The following DGKB variants were observed in gnomAD, a reference collection of about 807,000 sequenced individuals.
DGKB encodes the protein diacylglycerol kinase beta.
In DGKB, 67 loss-of-function variants were observed where a neutral mutation model predicts 114.3. The observed-to-expected ratio is 0.59, with a 90% CI of 0.48 to 0.72. DGKB has a LOEUF of 0.72. Among genes scored for constraint, DGKB ranks in the 30% least tolerant of loss-of-function variants. The pLI is 0.00. For synonymous variants in DGKB, 398 were observed against 323.1 expected (o/e 1.23, Z -2.49); for missense variants, 907 against 975.2 (o/e 0.93, Z 0.93).
chr7:14,353,890 C>T (rs562142823), intron 21 of DGKB, among the ~76,000 whole-genome samples: 2 of 152,028 alleles, frequency 1.3e-5, no homozygotes, highest in Non-Finnish European at 2.9e-5. Flanking sequence ...ACTTGCTGTC[C>T]CCCTAAATTT....
intron 20 of DGKB, 43 bp from the exon 21 acceptor site, chr7:14,478,268 T>A (rs781117654): frequency 8.5e-7 from 1 of 1,175,534 alleles, no homozygotes; most frequent in Admixed American, 2.5e-5. Flanking sequence ...TGGTTTATGA[T>A]CCTATTATTT....
At chr7:14,733,100 G>C (rs916850560) in intron 5 of DGKB, among the ~76,000 whole-genome samples, 2 of 152,062 alleles carry the variant, frequency 1.3e-5, no homozygotes, top group African/African-American at 4.8e-5. Context: ...TTAATTTCTA[G>C]AATCATTTTA....
At chr7:14,397,560 G>A (rs1465922136) in intron 21 of DGKB, among the ~76,000 whole-genome samples, 1 of 152,038 alleles carries the variant, frequency 6.6e-6, no homozygotes, top group Non-Finnish European at 1.5e-5. Flanking sequence ...TGTTCATTGC[G>A]TTTCTTCATT....
chr7:14,911,175 C>T (rs1228666331), intron 1 of DGKB, among the ~76,000 whole-genome samples: 1 of 151,818 alleles, frequency 6.6e-6, no homozygotes, highest in Non-Finnish European at 1.5e-5. Context: ...AGTATGAACT[C>T]ATTGACAGAA....
intron 4 of DGKB, among the ~76,000 whole-genome samples, chr7:14,752,096 T>C (rs1834210306): frequency 6.6e-6 from 1 of 152,176 alleles, no homozygotes; most frequent in South Asian, 2.1e-4. Flanking sequence ...TCCGTTAAGA[T>C]GAATTCGGTT....
At chr7:14,742,425 T>A (rs1832709009) in intron 4 of DGKB, among the ~76,000 whole-genome samples, 1 of 152,162 alleles carries the variant, frequency 6.6e-6, no homozygotes, top group Non-Finnish European at 1.5e-5. Context: ...TGTAGTAACT[T>A]TTAGTTCATG....
At chr7:14,573,520 T>C (rs1314795195) in intron 20 of DGKB, among the ~76,000 whole-genome samples, 1 of 150,750 alleles carries the variant, frequency 6.6e-6, no homozygotes, top group Non-Finnish European at 1.5e-5. Context: ...AGATGTGACA[T>C]GACATAAAAT....
At chr7:14,834,902 G>A (rs994701746) in intron 2 of DGKB, among the ~76,000 whole-genome samples, 4 of 152,022 alleles carry the variant, frequency 2.6e-5, no homozygotes, top group Middle Eastern at 3.2e-3. Context: ...GAGTTTAGAC[G>A]TTCATAGTTA....
At chr7:14,655,062 T>G (rs566091082) in intron 13 of DGKB, among the ~76,000 whole-genome samples, 4 of 151,792 alleles carry the variant, frequency 2.6e-5, no homozygotes, top group African/African-American at 9.7e-5. Flanking sequence ...GAGCTTTTGC[T>G]CAGCGAAGGA....
intron 1 of DGKB, among the ~76,000 whole-genome samples, chr7:14,973,134 G>C (rs1161593146): frequency 6.6e-6 from 1 of 151,860 alleles, no homozygotes; most frequent in African/African-American, 2.4e-5. Flanking sequence ...CAATTTTGAA[G>C]TTTTTTCACT....
At chr7:14,897,422 T>C (rs1395335055) in intron 1 of DGKB, among the ~76,000 whole-genome samples, 1 of 151,868 alleles carries the variant, frequency 6.6e-6, no homozygotes, top group Non-Finnish European at 1.5e-5. Context: ...TTATGAGCTA[T>C]GATTGAATTA....
intron 25 of DGKB, among the ~76,000 whole-genome samples, chr7:14,174,704 C>T (rs1451447301): frequency 6.6e-6 from 1 of 152,108 alleles, no homozygotes; most frequent in Non-Finnish European, 1.5e-5. Context: ...TCCACCATCA[C>T]GGTAGCAGCT....
At chr7:14,703,051 C>G (rs892883900) in intron 6 of DGKB, among the ~76,000 whole-genome samples, 1 of 29,160 alleles carries the variant, frequency 3.4e-5, no homozygotes, top group Non-Finnish European at 8.5e-5. Context: ...CCTTCTCATA[C>G]AGTCAATAAA....
chr7:14,550,061 A>G (rs1584748657), intron 20 of DGKB, among the ~76,000 whole-genome samples: 1 of 152,200 alleles, frequency 6.6e-6, no homozygotes, highest in Middle Eastern at 3.4e-3. Context: ...TAATAAAACT[A>G]AAACAGTAAT....
At chr7:14,338,951 A>G (rs1420301211) in intron 22 of DGKB, among the ~76,000 whole-genome samples, 3 of 152,068 alleles carry the variant, frequency 2.0e-5, no homozygotes, top group Non-Finnish European at 4.4e-5. Context: ...AATCACCAGT[A>G]TATCTTTGTT....
intron 20 of DGKB, among the ~76,000 whole-genome samples, chr7:14,544,415 T>C (rs1793962680): frequency 6.6e-6 from 1 of 152,174 alleles, no homozygotes; most frequent in Admixed American, 6.5e-5. Context: ...TAGAACAAAG[T>C]GAATAAATGT....
At chr7:14,545,527 G>A (rs1244958254) in intron 20 of DGKB, among the ~76,000 whole-genome samples, 1 of 152,202 alleles carries the variant, frequency 6.6e-6, no homozygotes, top group African/African-American at 2.4e-5. Flanking sequence ...GTCTACATCA[G>A]ATGTGGCCAA....
chr7:14,879,859 T>C (rs1028266910), intron 1 of DGKB, among the ~76,000 whole-genome samples: 1 of 152,210 alleles, frequency 6.6e-6, no homozygotes, highest in Non-Finnish European at 1.5e-5. Flanking sequence ...TATGTCTGAT[T>C]CTTGTTTTCT....
chr7:14,607,413 TA>T lies in DGKB; in HGVS notation c.1433+20del. On this transcript the variant is annotated intron_variant, in intron 17 of 25. Coordinates refer to ENST00000402815, the MANE Select transcript of DGKB (RefSeq NM_001350709.2). ...TTAACATTAACTGAGTTAATGGTAA[TA>T]ATATTATCCTTGGACTTACCCTGGC... The T allele has an allele frequency of 7.8e-7, 1 of 1,286,240 alleles. No individual in the cohort carries two copies. The highest frequency in any genetic ancestry group is 1.2e-5 in the South Asian group (1 of 81,814). The allele number at this position is 1,286,240 out of a possible 1,614,324, so 79.7% of individuals were successfully genotyped here. A position where few individuals can be genotyped will look rare whatever the true frequency, so the allele number is the denominator to read the frequency against.
Sources: allele counts gnomAD v4.1 joint callset (sites outside exome capture counted in the v4.1 genomes callset), GRCh38; gene constraint gnomAD v4.1.1; transcripts MANE v1.5; gene names NCBI Gene and HGNC (gene_info 2026-07-23, HGNC 2026-07-21).